The following FPR3 variants were observed in gnomAD, a reference collection of about 807,000 sequenced individuals.
The protein encoded by FPR3 is formyl peptide receptor 3.
For synonymous variants in FPR3, 135 were observed against 163.6 expected (o/e 0.83, Z 1.34); for missense variants, 346 against 443.2 (o/e 0.78, Z 1.97).
At chr19:51,815,130 G>A (rs2084125930) in intron 1 of FPR3, among the ~76,000 whole-genome samples, 1 of 152,110 alleles carries the variant, frequency 6.6e-6, no homozygotes, top group Non-Finnish European at 1.5e-5. Flanking sequence ...TGTTAGTGAG[G>A]TTATTTAGGG....
chr19:51,807,296 T>TTCTCAATAGATAAC (rs747955900), intron 1 of FPR3, among the ~76,000 whole-genome samples: 4 of 152,202 alleles, frequency 2.6e-5, no homozygotes, highest in African/African-American at 7.2e-5. Context: ...GGCGCTAGAT[T>TTCTCAATAGATAAC]TCTCAATAGA....
chr19:51,824,364 T>C lies in FPR3; in HGVS notation c.616T>C (p.Phe206Leu), dbSNP rs1415384642. 10 of 1,614,168 alleles carry C rather than the reference T, an allele frequency of 6.2e-6. No individual in the cohort carries two copies. Among genetic ancestry groups the C allele is most frequent in the African/African-American group, 1.3e-5 (1 of 75,056 alleles). ...TMAKVFLILH[F>L]IIGFSVPMSI... The stretch of plus-strand genomic sequence containing the variant: ...GGCCAAGGTCTTTCTGATCCTCCAC[T>C]TCATTATTGGCTTCAGCGTGCCTAT... Residue 206 changes from phenylalanine (F) to leucine (L), a missense_variant, in exon 2 of 2, where the codon TTC becomes CTC. Phe to Leu is a conservative substitution (Grantham distance 22). Coordinates refer to ENST00000339223, the MANE Select transcript of FPR3 (RefSeq NM_002030.5). This position sits in a 1 kb window ranked among gnomAD's most constrained non-coding sequence, Gnocchi z 4.7.
At chr19:51,818,835 T>C (rs1327469415) in intron 1 of FPR3, among the ~76,000 whole-genome samples, 1 of 152,092 alleles carries the variant, frequency 6.6e-6, no homozygotes, top group Admixed American at 6.6e-5. Context: ...GAGTTAGAAA[T>C]GTGGAAGCCA....
At chr19:51,800,265 C>G (rs777938445) in intron 1 of FPR3, among the ~76,000 whole-genome samples, 1 of 152,220 alleles carries the variant, frequency 6.6e-6, no homozygotes, top group Admixed American at 6.5e-5. Flanking sequence ...TCGGGTCACC[C>G]TGGAAAGAAA....
In FPR3 at chr19:51,808,387, C is replaced by G. The variant is rs116259082; in HGVS notation, c.-11+13056C>G. 3.0e-3 allele frequency among the ~76,000 whole-genome samples: 456 copies of G among 152,238 alleles called. 2 individuals are homozygous for G. The highest frequency in any genetic ancestry group is 0.011 in the African/African-American group (442 of 41,544). On this transcript the variant is annotated intron_variant, in intron 1 of 1. Coordinates refer to ENST00000339223, the MANE Select transcript of FPR3 (RefSeq NM_002030.5). ...ATTTTGAGATTCCATTTAGTCAAAG[C>G]CTGCTTTGTTTCTCTGAATAACTGA...
intron 1 of FPR3, among the ~76,000 whole-genome samples, chr19:51,815,928 A>C (rs931452077): frequency 6.6e-6 from 1 of 151,908 alleles, no homozygotes; most frequent in Admixed American, 6.6e-5. Flanking sequence ...TTAGCCAGGC[A>C]TGGTTCCAGG....
At chr19:51,816,933 T>C (rs946708683) in intron 1 of FPR3, among the ~76,000 whole-genome samples, 4 of 152,194 alleles carry the variant, frequency 2.6e-5, no homozygotes, top group Admixed American at 6.5e-5. Flanking sequence ...TACATCTTTG[T>C]TGTTTATTGT....
At chr19:51,807,680 G>A (rs560081927) in intron 1 of FPR3, among the ~76,000 whole-genome samples, 2 of 152,348 alleles carry the variant, frequency 1.3e-5, no homozygotes, top group Admixed American at 1.3e-4. Flanking sequence ...GTAATCACAG[G>A]AAGAATGAAA....
chr19:51,820,893 T>TTAAC lies in FPR3; in HGVS notation c.-10-2845_-10-2842dup, dbSNP rs542100655. Among the ~76,000 whole-genome samples, 64 of 152,364 alleles carry TTAAC rather than the reference T, an allele frequency of 4.2e-4. No homozygotes were observed. The East Asian group carries it at 0.011, about 27-fold the overall frequency. The stretch of plus-strand genomic sequence containing the variant: ...AAGGTGTGCTCAGTGCTCACACAGA[T>TTAAC]TAACACGTCTCATCTGCAGAGGCTG... On this transcript the variant is annotated intron_variant, in intron 1 of 1. Transcript: ENST00000339223.
intron 1 of FPR3, among the ~76,000 whole-genome samples, chr19:51,808,763 A>AT (rs1180496010): frequency 5.3e-5 from 8 of 152,246 alleles, no homozygotes; most frequent in Non-Finnish European, 1.2e-4. Flanking sequence ...TTATGTGTAC[A>AT]TGAATAGCTC....
At chr19:51,801,649 T>C (rs765994671) in intron 1 of FPR3, among the ~76,000 whole-genome samples, 2 of 152,146 alleles carry the variant, frequency 1.3e-5, no homozygotes, top group Non-Finnish European at 2.9e-5. Context: ...GGCGTGATGC[T>C]GGGTGCCTGT....
At position 51,824,154 on chromosome 19, in the gene FPR3, C is replaced by G. The variant is rs776823333; in HGVS notation, c.406C>G (p.His136Asp). The change falls in exon 2 of 2, where the codon CAT (histidine) becomes GAT (aspartate). Residue 136 changes from histidine to aspartate, a missense_variant. Physicochemically the swap from His to Asp is moderately conservative, Grantham distance 81. Coordinates refer to ENST00000339223, the MANE Select transcript of FPR3 (RefSeq NM_002030.5). This position sits in a 1 kb window ranked among gnomAD's most constrained non-coding sequence, Gnocchi z 4.7. ...CCTGCATCCAGCCTGGGCCCAGAAC[C>G]ATCGCACCATGAGTCTGGCCAAGAG... ...CVLHPAWAQN[H>D]RTMSLAKRVM... The G allele has an allele frequency of 3.7e-6, 6 of 1,613,918 alleles. No individual in the cohort carries two copies. The South Asian group carries it at 6.6e-5, about 18-fold the overall frequency.
intron 1 of FPR3, among the ~76,000 whole-genome samples, chr19:51,804,489 AATTTG>A (rs2084044935): frequency 6.6e-6 from 1 of 152,208 alleles, no homozygotes; most frequent in Admixed American, 6.5e-5. Flanking sequence ...AAAGTTTTAC[AATTTG>A]ATTTGATTGG....
chr19:51,805,044 G>GCAGGCACAGT (rs1361562898), intron 1 of FPR3: 2 of 152,184 alleles, frequency 1.3e-5, no homozygotes, highest in Non-Finnish European at 2.9e-5. Flanking sequence ...CCTTCTGGCG[G>GCAGGCACAGT]CAGGCACAGT....
At chr19:51,797,874 A>ATTTTTT (rs1161472789) in intron 1 of FPR3, among the ~76,000 whole-genome samples, 21 of 35,704 alleles carry the variant, frequency 5.9e-4, no homozygotes, top group African/African-American at 1.1e-3. Flanking sequence ...TTCCATGTCT[A>ATTTTTT]TTCTTTTTTT....
chr19:51,821,184 T>C (rs192450792), intron 1 of FPR3, among the ~76,000 whole-genome samples: 12 of 152,264 alleles, frequency 7.9e-5, no homozygotes, highest in Admixed American at 2.0e-4. Context: ...CACAAAACTG[T>C]CCTTGTTCTG....
intron 1 of FPR3, chr19:51,804,851 T>C (rs922481591): frequency 1.3e-5 from 2 of 152,142 alleles, no homozygotes; most frequent in African/African-American, 4.8e-5. Flanking sequence ...TTGCCTCTAG[T>C]GGACAAGGCC....
chr19:51,801,835 C>T (rs2122414652), intron 1 of FPR3, among the ~76,000 whole-genome samples: 1 of 152,324 alleles, frequency 6.6e-6, no homozygotes, highest in Non-Finnish European at 1.5e-5. Context: ...AATTTACTTA[C>T]TCTACTCCCA....
chr19:51,795,783 G>A (rs1340035525), intron 1 of FPR3, among the ~76,000 whole-genome samples: 1 of 151,974 alleles, frequency 6.6e-6, no homozygotes, highest in Non-Finnish European at 1.5e-5. Flanking sequence ...AAAGTGCTGG[G>A]ATTACAGGCG....
Sources: gnomAD v4.1 joint callset for allele counts (sites outside exome capture counted in the v4.1 genomes callset) on GRCh38, gnomAD v4.1.1 for gene constraint, Gnocchi (gnomAD v3.1) non-coding constraint, MANE v1.5 for transcripts, NCBI Gene and HGNC (gene_info 2026-07-23, HGNC 2026-07-21) for gene names.